TLL2: variants seen among roughly 807,000 people sequenced by gnomAD.
TLL2 encodes tolloid like 2, also known as tolloid-like protein 2.
Under a neutral mutation model 123.0 loss-of-function variants are expected in TLL2, and 106 were observed. That is an observed-to-expected ratio of 0.86 (90% CI 0.74 to 1.01). The LOEUF (loss-of-function observed/expected upper bound fraction) is 1.01, where lower values mean the gene tolerates loss of function less well. Ranked by LOEUF, TLL2 falls within the 50% of genes least tolerant of loss-of-function variation. TLL2 has a pLI of 0.00. For synonymous variants in TLL2, 494 were observed against 516.8 expected (o/e 0.96, Z 0.60); for missense variants, 1,332 against 1,336.7 (o/e 1.00, Z 0.06).
At chr10:96,400,435 T>C (rs149313555) in intron 10 of TLL2, among the ~76,000 whole-genome samples, 2 of 151,228 alleles carry the variant, frequency 1.3e-5, no homozygotes, top group African/African-American at 2.4e-5. Context: ...TTTGGATAGA[T>C]AGACATCAAA....
At chr10:96,458,464 G>A (rs1847038482) in intron 2 of TLL2, among the ~76,000 whole-genome samples, 1 of 151,932 alleles carries the variant, frequency 6.6e-6, no homozygotes, top group Non-Finnish European at 1.5e-5. Flanking sequence ...GTGGGCGCCT[G>A]TAATCCCAGC....
At chr10:96,503,710 G>C (rs1311577787) in intron 1 of TLL2, among the ~76,000 whole-genome samples, 1 of 152,174 alleles carries the variant, frequency 6.6e-6, no homozygotes, top group Non-Finnish European at 1.5e-5. Context: ...GGGGACAGGT[G>C]CATTTTGACA....
chr10:96,502,265 T>C (rs545020649), intron 1 of TLL2, among the ~76,000 whole-genome samples: 1 of 152,132 alleles, frequency 6.6e-6, no homozygotes, highest in African/African-American at 2.4e-5. Flanking sequence ...TGCTGATTGC[T>C]CTTATCCCAA....
intron 4 of TLL2, among the ~76,000 whole-genome samples, chr10:96,431,892 T>TCCA: frequency 6.6e-6 from 1 of 151,928 alleles, no homozygotes; most frequent in Non-Finnish European, 1.5e-5. Flanking sequence ...GGAAAGGGCC[T>TCCA]CCAAGGGAGA....
chr10:96,404,823 T>C lies in TLL2; in HGVS notation c.1267+409A>G, dbSNP rs911729905. Among the ~76,000 whole-genome samples the C allele has an allele frequency of 3.3e-5, 5 of 152,218 alleles. No individual in the cohort carries two copies. The East Asian group carries it at 9.6e-4, about 29-fold the overall frequency. ...CTTTTTTGTGTGTAACAGTGTACCA[T>C]GAACACCTTTCCATATCAGTAGTCA... On this transcript the variant is annotated intron_variant, in intron 10 of 20. Transcript: ENST00000357947.
chr10:96,435,679 A>C (rs1846789290), intron 3 of TLL2, among the ~76,000 whole-genome samples: 1 of 152,140 alleles, frequency 6.6e-6, no homozygotes, highest in Non-Finnish European at 1.5e-5. Flanking sequence ...TTAGTATGTA[A>C]ACATCTAACT....
intron 7 of TLL2, among the ~76,000 whole-genome samples, chr10:96,418,757 AATT>A (rs1335217827): frequency 9.5e-5 from 14 of 147,358 alleles, no homozygotes; most frequent in African/African-American, 1.7e-4. Flanking sequence ...ATAAAATAAT[AATT>A]ATTAATAGCT....
At chr10:96,442,931 C>T (rs935202359) in intron 3 of TLL2, among the ~76,000 whole-genome samples, 2 of 152,202 alleles carry the variant, frequency 1.3e-5, no homozygotes, top group African/African-American at 4.8e-5. Context: ...ATGTGCTTTA[C>T]ATAAATATTA....
chr10:96,482,119 A>G (rs887804480), intron 1 of TLL2, among the ~76,000 whole-genome samples: 2 of 152,244 alleles, frequency 1.3e-5, no homozygotes, highest in Non-Finnish European at 2.9e-5. Context: ...TTAGCTGGGC[A>G]TGGTGGCGGG....
At chr10:96,487,266 G>A (rs1456979828) in intron 1 of TLL2, among the ~76,000 whole-genome samples, 1 of 152,144 alleles carries the variant, frequency 6.6e-6, no homozygotes, top group Non-Finnish European at 1.5e-5. Context: ...AGCATGCAGT[G>A]AAGAGTGGTA....
At chr10:96,374,281 G>A (rs1846113703) in intron 18 of TLL2, 2 of 184,402 alleles carry the variant, frequency 1.1e-5, no homozygotes, top group Admixed American at 1.1e-4. Flanking sequence ...TTACACCCCT[G>A]TGATGTGTCT....
At chr10:96,469,558 A>G (rs1847159067) in intron 2 of TLL2, among the ~76,000 whole-genome samples, 1 of 152,132 alleles carries the variant, frequency 6.6e-6, no homozygotes, top group African/African-American at 2.4e-5. Context: ...CCTGGGTGAC[A>G]GCTGTCACCT....
At chr10:96,434,421 A>G (rs1362227774) in intron 3 of TLL2, among the ~76,000 whole-genome samples, 1 of 152,160 alleles carries the variant, frequency 6.6e-6, no homozygotes, top group Admixed American at 6.5e-5. Flanking sequence ...TATTCTGGAC[A>G]TTTCCTAGAG....
chr10:96,457,976 G>A (rs1417564309), intron 2 of TLL2, among the ~76,000 whole-genome samples: 2 of 152,140 alleles, frequency 1.3e-5, no homozygotes, highest in African/African-American at 4.8e-5. Flanking sequence ...TAAAATGCAA[G>A]CTCCATCTCC....
chr10:96,454,049 T>C (rs1283473688), intron 2 of TLL2, among the ~76,000 whole-genome samples: 1 of 151,412 alleles, frequency 6.6e-6, no homozygotes, highest in Non-Finnish European at 1.5e-5. Flanking sequence ...ATACACACAG[T>C]TGTCAGGGAA....
In TLL2 at chr10:96,408,497, T is replaced by C. The variant is rs1214183149; in HGVS notation, c.1164+1862A>G. Among the ~76,000 whole-genome samples, 4 of 152,260 alleles carry C rather than the reference T, an allele frequency of 2.6e-5. No homozygotes were observed. The East Asian group carries it at 7.7e-4, about 29-fold the overall frequency. On this transcript the variant is annotated intron_variant, in intron 9 of 20. Coordinates refer to ENST00000357947, the MANE Select transcript of TLL2 (RefSeq NM_012465.4). Reference sequence around the variant, plus strand: ...ATGAAGTTTACACAGTTCAAACATATCACACACCCTCTGCTGTGCAGAGCA... The same window carrying C: ...ATGAAGTTTACACAGTTCAAACATACCACACACCCTCTGCTGTGCAGAGCA...
At chr10:96,403,531 A>T (rs573924552) in intron 10 of TLL2, among the ~76,000 whole-genome samples, 4 of 152,220 alleles carry the variant, frequency 2.6e-5, no homozygotes, top group Non-Finnish European at 4.4e-5. Flanking sequence ...TACAAGCAGT[A>T]TACTTGGTAA....
chr10:96,399,541 T>A (rs1846373671), intron 10 of TLL2, among the ~76,000 whole-genome samples: 1 of 152,080 alleles, frequency 6.6e-6, no homozygotes. Context: ...TAATATTAAG[T>A]GAGATGAGAT....
chr10:96,442,339 C>T (rs951595962), intron 3 of TLL2, among the ~76,000 whole-genome samples: 11 of 152,060 alleles, frequency 7.2e-5, no homozygotes, highest in Admixed American at 5.2e-4. Flanking sequence ...GGAAGGGGGG[C>T]AAGTTGTGAT....
Sources: gnomAD v4.1 joint callset for allele counts (sites outside exome capture counted in the v4.1 genomes callset) on GRCh38, gnomAD v4.1.1 for gene constraint, MANE v1.5 for transcripts, NCBI Gene and HGNC (gene_info 2026-07-23, HGNC 2026-07-21) for gene names.